ZNF8: variants seen among roughly 807,000 people sequenced by gnomAD.
ZNF8 encodes the protein zinc finger protein 8.
In ZNF8, 9 loss-of-function variants were observed where a neutral mutation model predicts 12.2. The ratio of observed to expected loss-of-function variants is 0.73; its 90% CI spans 0.44 to 1.28. The LOEUF (loss-of-function observed/expected upper bound fraction) is 1.28. ZNF8 is among the 50% of genes most tolerant of loss of function. The probability of loss-of-function intolerance (pLI) is 0.00; values close to 1 mark genes in which losing one functional copy is unlikely to be tolerated. For missense variants in ZNF8, 664 were observed against 729.1 expected, an observed-to-expected ratio of 0.91 and a Z score of 1.03; for synonymous variants, 274 against 282.3, an observed-to-expected ratio of 0.97 and a Z score of 0.30.
intron 1 of ZNF8, among the ~76,000 whole-genome samples, chr19:58,283,512 A>G (rs375712354): frequency 3.3e-5 from 5 of 151,898 alleles, no homozygotes; most frequent in African/African-American, 9.7e-5. Context: ...GCCCTCCACC[A>G]TCTTATGTCA....
chr19:58,297,265 A>G lies in ZNF8; in HGVS notation c.*1729A>G, dbSNP rs2051461508. The G allele has an allele frequency of 6.6e-6, 1 of 152,112 alleles. No homozygotes were observed. 9.4% of individuals were successfully genotyped at this position (152,112 alleles called of 1,614,324 possible). Reference sequence around the variant, plus strand: ...AAAAAGAAAAGAAAAAAAACCTTCAAATTGATTAATCAGGGCTGGACTAGA... The same window carrying G: ...AAAAAGAAAAGAAAAAAAACCTTCAGATTGATTAATCAGGGCTGGACTAGA... On this transcript the variant is annotated 3_prime_UTR_variant, in exon 4 of 4. Coordinates refer to ENST00000621650, the MANE Select transcript of ZNF8 (RefSeq NM_021089.3).
chr19:58,298,835 CTTTTTTCTTTTTCT>C lies in ZNF8; in HGVS notation c.*3306_*3319del, dbSNP rs1197268927. ...CACAGTGCATTTGGTTGGAATTTTT[CTTTTTTCTTTTTCT>C]TTTTTTTTTTTGTGATGGAGACTTG... is the stretch of plus-strand genomic sequence containing the variant. On this transcript the variant is annotated 3_prime_UTR_variant, in exon 4 of 4. Coordinates refer to ENST00000621650, the MANE Select transcript of ZNF8 (RefSeq NM_021089.3). 7.8e-6 allele frequency: 1 copy of C among 127,968 alleles called. No homozygotes were observed. Among genetic ancestry groups the C allele is most frequent in the African/African-American group, 3.3e-5 (1 of 29,936 alleles). The allele number at this position is 127,968 out of a possible 1,614,324, so 7.9% of individuals were successfully genotyped here.
chr19:58,302,195 G>A lies in ZNF8; in HGVS notation c.*6659G>A, dbSNP rs578039366. The A allele has an allele frequency of 3.3e-5, 5 of 151,900 alleles. No homozygotes were observed. Among genetic ancestry groups the A allele is most frequent in the East Asian group, 1.9e-4 (1 of 5,182 alleles). The allele number at this position is 151,900 out of a possible 1,614,324, so 9.4% of individuals were successfully genotyped here. On this transcript the variant is annotated 3_prime_UTR_variant, in exon 4 of 4. Coordinates refer to ENST00000621650, the MANE Select transcript of ZNF8 (RefSeq NM_021089.3). ...TTTGAAACAGATAAGAAACTCCTCC[G>A]TGGAAATTACTGTTAACTAGGGAAA...
In ZNF8 at chr19:58,295,597, G is replaced by A. The variant is rs2051449687; in HGVS notation, c.*61G>A. 3.7e-6 allele frequency: 5 copies of A among 1,361,628 alleles called. 1 individual carries two copies. In the South Asian group the frequency reaches 7.0e-5, roughly 19 times the overall value. 84.3% of individuals were successfully genotyped at this position (1,361,628 alleles called of 1,614,324 possible). On this transcript the variant is annotated 3_prime_UTR_variant, in exon 4 of 4. Transcript: ENST00000621650. ...AAAAAATGTGGTAAGTCCACATAGTGTACTCATGGAAGGAGGGGCTGGGGG... is the reference window on the plus strand; with the variant it reads ...AAAAAATGTGGTAAGTCCACATAGTATACTCATGGAAGGAGGGGCTGGGGG...
intron 3 of ZNF8, among the ~76,000 whole-genome samples, chr19:58,292,755 G>C (rs7246751): frequency 0.06 from 9,109 of 152,178 alleles, 401 homozygotes; most frequent in African/African-American, 0.11. Flanking sequence ...TCAGTACTTT[G>C]TTCTTTTTTG....
rs2051473702 is a variant in ZNF8 at position 58,298,910 on chromosome 19, A to T, written c.*3374A>T. 6.6e-6 allele frequency: 1 copy of T among 151,524 alleles called. No homozygotes were observed. The highest frequency in any genetic ancestry group is 1.5e-5 in the Non-Finnish European group (1 of 67,932). 9.4% of individuals were successfully genotyped at this position (151,524 alleles called of 1,614,324 possible). Reference sequence around the variant, plus strand: ...TGGTTCACTGCAACCTCCCAGGTTCAAGCAATTCTCCTGCCTCAGCCGCCC... The same window carrying T: ...TGGTTCACTGCAACCTCCCAGGTTCTAGCAATTCTCCTGCCTCAGCCGCCC... On this transcript the variant is annotated 3_prime_UTR_variant, in exon 4 of 4. Transcript: ENST00000621650.
chr19:58,279,285 T>C (rs1300569733), intron 1 of ZNF8, 138 bp downstream of exon 1: 2 of 1,520,010 alleles, frequency 1.3e-6, no homozygotes, highest in Non-Finnish European at 1.8e-6. Context: ...CAGACGCGGG[T>C]CGGGGCGTGG....
chr19:58,279,600 C>T (rs2051333667), intron 1 of ZNF8: 6 of 1,533,810 alleles, frequency 3.9e-6, no homozygotes, highest in Non-Finnish European at 5.2e-6. Flanking sequence ...GGGACCCCAG[C>T]ACCGCGGAGC....
At chr19:58,286,074 C>T in intron 2 of ZNF8, 36 bp from the exon 3 acceptor site, 10 of 1,595,540 alleles carry the variant, frequency 6.3e-6, no homozygotes, top group Non-Finnish European at 7.7e-6. Flanking sequence ...CTCTCCTGAG[C>T]AGCCCCTCAC....
rs575605314 is a variant in ZNF8, at chr19:58,296,705, G to C, written c.*1169G>C. On this transcript the variant is annotated 3_prime_UTR_variant, in exon 4 of 4. Transcript: ENST00000621650. ...CAGCTGAGCCAGAGGTTCTTAACTG[G>C]TGGTGCTTTTGCCTCCAGGGCACAT... 6.6e-6 allele frequency: 1 copy of C among 152,220 alleles called. No individual in the cohort carries two copies. The highest frequency in any genetic ancestry group is 3.2e-3 in the Middle Eastern group (1 of 316). 9.4% of individuals were successfully genotyped at this position (152,220 alleles called of 1,614,324 possible).
intron 1 of ZNF8, among the ~76,000 whole-genome samples, chr19:58,281,295 G>T (rs1243511199): frequency 3.9e-5 from 6 of 152,166 alleles, no homozygotes; most frequent in East Asian, 1.9e-4. Flanking sequence ...CAGTGACCAG[G>T]TGTTGGCTGA....
In ZNF8 at chr19:58,294,295, C is replaced by G. The variant is rs757651093; in HGVS notation, c.487C>G (p.Leu163Val). ...QNNLKQLEFG[L>V]KEAPVQDQGY... ...TAACTTGAAGCAGTTGGAATTTGGC[C>G]TCAAGGAAGCACCAGTTCAAGATCA... is the stretch of plus-strand genomic sequence containing the variant. Residue 163 changes from leucine to valine, a missense_variant, in exon 4 of 4, where the codon CTC (leucine) becomes GTC (valine). Around this residue, in one of 3 missense-constraint regions of ZNF8, gnomAD observed 306 missense variants for 308.7 expected, o/e 0.99. Transcript: ENST00000621650. This position sits in a 1 kb window ranked among gnomAD's most constrained non-coding sequence, Gnocchi z 5.5. The G allele has an allele frequency of 3.9e-5, 63 of 1,613,970 alleles. No homozygotes were observed. The highest frequency in any genetic ancestry group is 1.9e-4 in the African/African-American group (14 of 74,884).
rs2051480079 is a variant in ZNF8, at chr19:58,299,720, G to GA, written c.*4185dup. 6.6e-6 allele frequency: 1 copy of GA among 152,052 alleles called. No homozygotes were observed. Among genetic ancestry groups the GA allele is most frequent in the Admixed American group, 6.6e-5 (1 of 15,256 alleles). The allele number at this position is 152,052 out of a possible 1,614,324, so 9.4% of individuals were successfully genotyped here. ...GGAGGCAGAGCTTGCAGTGAGCTGA[G>GA]ATAGTGCCTCTGCACTCCAGCCTGG... On this transcript the variant is annotated 3_prime_UTR_variant, in exon 4 of 4. Transcript: ENST00000621650.
At position 58,294,048 on chromosome 19, in the gene ZNF8, C is replaced by G; in HGVS notation, c.290-50C>G. The G allele has an allele frequency of 1.3e-6, 2 of 1,529,610 alleles. No homozygotes were observed. Among genetic ancestry groups the G allele is most frequent in the Non-Finnish European group, 1.8e-6 (2 of 1,131,090 alleles). 94.8% of individuals were successfully genotyped at this position (1,529,610 alleles called of 1,614,324 possible). A position where few individuals can be genotyped will look rare whatever the true frequency, so the allele number is the denominator to read the frequency against. The stretch of plus-strand genomic sequence containing the variant: ...CCTATGGTGTTGGAGGCCTGTCCCC[C>G]TTCCGTTTTTTTCTCCCAACAGCTC... On this transcript the variant is annotated intron_variant, in intron 3 of 3. Transcript: ENST00000621650. The surrounding 1 kb of genome is among the most constrained non-coding windows in gnomAD (Gnocchi z 5.5).
At chr19:58,279,655 G>T in intron 1 of ZNF8, 1 of 1,533,766 alleles carries the variant, frequency 6.5e-7, no homozygotes, top group Non-Finnish European at 8.7e-7. Flanking sequence ...GCAATGATGG[G>T]TCACCACGCA....
At position 58,294,141 on chromosome 19, in the gene ZNF8, G is replaced by A; in HGVS notation, c.333G>A (p.Glu111=). 1 of 1,612,030 alleles carries A rather than the reference G, an allele frequency of 6.2e-7. No homozygotes were observed. ...RSESQASRKE[E]GLPEEEPSHV... ...AAAGCCAAGCATCACGCAAGGAAGA[G>A]GGCCTGCCTGAAGAGGAGCCATCCC... The change falls in exon 4 of 4, where the codon GAG becomes GAA. Residue 111 remains glutamate (E), a synonymous_variant. Coordinates refer to ENST00000621650, the MANE Select transcript of ZNF8 (RefSeq NM_021089.3). The surrounding 1 kb of genome is among the most constrained non-coding windows in gnomAD (Gnocchi z 5.5).
intron 1 of ZNF8, among the ~76,000 whole-genome samples, chr19:58,282,874 C>T (rs260495): frequency 0.25 from 37,594 of 152,024 alleles, 4,906 homozygotes; most frequent in East Asian, 0.5. Flanking sequence ...GCAATCCACT[C>T]GTCTCAGCCT....
In ZNF8 at chr19:58,294,780, T is replaced by C. The variant is rs1465321735; in HGVS notation, c.972T>C (p.His324=). ...KCAECGKSFC[H]STHLTVHRRI... is the part of the protein sequence containing the mutation. ...CCGAATGTGGGAAGTCTTTCTGCCA[T>C]AGTACACACCTTACCGTCCATCGGA... The change falls in exon 4 of 4, where the codon CAT becomes CAC. Residue 324 remains histidine, a synonymous_variant. Coordinates refer to ENST00000621650, the MANE Select transcript of ZNF8 (RefSeq NM_021089.3). The surrounding 1 kb of genome is among the most constrained non-coding windows in gnomAD (Gnocchi z 5.5). 6.2e-7 allele frequency: 1 copy of C among 1,614,094 alleles called. No individual in the cohort carries two copies. Among genetic ancestry groups the C allele is most frequent in the South Asian group, 1.1e-5 (1 of 91,078 alleles).
At position 58,294,310 on chromosome 19, in the gene ZNF8, G is replaced by C. The variant is rs769350783; in HGVS notation, c.502G>C (p.Val168Leu). The change falls in exon 4 of 4, where the codon GTT (valine) becomes CTT (leucine). Residue 168 changes from valine (V) to leucine (L), a missense_variant. This residue lies in a region of ZNF8 where 306 missense variants were observed against 308.7 expected (regional missense o/e 0.99). Coordinates refer to ENST00000621650, the MANE Select transcript of ZNF8 (RefSeq NM_021089.3). The surrounding 1 kb of genome is among the most constrained non-coding windows in gnomAD (Gnocchi z 5.5). Reference sequence around the variant, plus strand: ...GGAATTTGGCCTCAAGGAAGCACCAGTTCAAGATCAAGGCTACAAAACTCT... The same window carrying C: ...GGAATTTGGCCTCAAGGAAGCACCACTTCAAGATCAAGGCTACAAAACTCT... ...QLEFGLKEAP[V>L]QDQGYKTLRL... The C allele has an allele frequency of 1.2e-5, 20 of 1,614,194 alleles. No homozygotes were observed. Among genetic ancestry groups the C allele is most frequent in the Non-Finnish European group, 1.6e-5 (19 of 1,180,032 alleles).
Sources: gnomAD v4.1 joint callset for allele counts (sites outside exome capture counted in the v4.1 genomes callset) on GRCh38, gnomAD v4.1.1 for gene constraint, gnomAD v4.1.1 regional missense constraint, Gnocchi (gnomAD v3.1) non-coding constraint, MANE v1.5 for transcripts, NCBI Gene and HGNC (gene_info 2026-07-23, HGNC 2026-07-21) for gene names.